Variants in SGCZ observed in about 807,000 individuals in gnomAD.
SGCZ encodes sarcoglycan zeta, also known as zeta-sarcoglycan.
Under a neutral mutation model 41.3 loss-of-function variants are expected in SGCZ, and 40 were observed. The observed-to-expected ratio is 0.97, with a 90% CI of 0.75 to 1.26. The LOEUF (loss-of-function observed/expected upper bound fraction) is 1.26, where lower values mean the gene tolerates loss of function less well. Ranked by LOEUF, SGCZ falls within the 50% of genes most tolerant of loss-of-function variation. The pLI, the probability that SGCZ is intolerant of heterozygous loss-of-function variation, is 0.00. For synonymous variants in SGCZ, 206 were observed against 137.5 expected (o/e 1.50, Z -3.49); for missense variants, 552 against 369.8 (o/e 1.49, Z -4.04).
intron 2 of SGCZ, among the ~76,000 whole-genome samples, chr8:14,329,859 CT>C (rs34593671): frequency 2.0e-5 from 3 of 151,702 alleles, no homozygotes; most frequent in South Asian, 2.1e-4. Context: ...TTTGTATTTG[CT>C]TTTTTTTCAT....
chr8:14,785,968 G>C (rs1210002035), intron 1 of SGCZ, among the ~76,000 whole-genome samples: 1 of 145,988 alleles, frequency 6.8e-6, no homozygotes, highest in African/African-American at 2.7e-5. Flanking sequence ...TCCAAAAAAA[G>C]TGACTCACAA....
chr8:14,543,602 A>G (rs941011307), intron 2 of SGCZ, among the ~76,000 whole-genome samples: 2 of 152,142 alleles, frequency 1.3e-5, no homozygotes, highest in South Asian at 2.1e-4. Flanking sequence ...TCTCAAGGCC[A>G]TCTTTAGGTT....
At chr8:14,766,825 G>A (rs1461094999) in intron 1 of SGCZ, among the ~76,000 whole-genome samples, 1 of 145,294 alleles carries the variant, frequency 6.9e-6, no homozygotes, top group Admixed American at 7.2e-5. Flanking sequence ...CAGTCTGCCC[G>A]CCTCGGCCTC....
intron 2 of SGCZ, among the ~76,000 whole-genome samples, chr8:14,395,550 T>A (rs1798891822): frequency 6.6e-6 from 1 of 152,142 alleles, no homozygotes; most frequent in Non-Finnish European, 1.5e-5. Context: ...GTACGGCTAC[T>A]CTAAACAAGA....
intron 1 of SGCZ, among the ~76,000 whole-genome samples, chr8:14,607,572 T>C (rs1411516797): frequency 6.6e-6 from 1 of 152,202 alleles, no homozygotes. Context: ...CCACATGCAC[T>C]CTTGAATGCT....
At chr8:14,100,677 G>C (rs1801992714) in intron 7 of SGCZ, among the ~76,000 whole-genome samples, 1 of 149,806 alleles carries the variant, frequency 6.7e-6, no homozygotes, top group Non-Finnish European at 1.5e-5. Flanking sequence ...TATAATATCT[G>C]CTAACACTCT....
At chr8:15,022,901 A>C (rs760020688) in intron 1 of SGCZ, among the ~76,000 whole-genome samples, 1 of 152,238 alleles carries the variant, frequency 6.6e-6, no homozygotes, top group Non-Finnish European at 1.5e-5. Flanking sequence ...TAAGTAACGT[A>C]CGTTTCACAG....
intron 2 of SGCZ, among the ~76,000 whole-genome samples, chr8:14,374,048 A>T (rs1024095834): frequency 6.6e-6 from 1 of 152,210 alleles, no homozygotes; most frequent in African/African-American, 2.4e-5. Flanking sequence ...ACATGAGAAG[A>T]TGGAGACTTG....
intron 2 of SGCZ, among the ~76,000 whole-genome samples, chr8:14,519,917 C>G (rs1020845831): frequency 2.0e-5 from 3 of 152,092 alleles, no homozygotes; most frequent in African/African-American, 7.2e-5. Flanking sequence ...TATGTCGTAT[C>G]TCAATTTACC....
At chr8:14,882,283 G>C (rs774565088) in intron 1 of SGCZ, among the ~76,000 whole-genome samples, 15 of 151,986 alleles carry the variant, frequency 9.9e-5, no homozygotes, top group Non-Finnish European at 2.1e-4. Flanking sequence ...GGAACCTTTG[G>C]GAAGCATATC....
intron 1 of SGCZ, among the ~76,000 whole-genome samples, chr8:14,827,627 C>T (rs1585297263): frequency 6.6e-6 from 1 of 152,252 alleles, no homozygotes; most frequent in East Asian, 1.9e-4. Context: ...TTTCATGCCA[C>T]AATGATGAAG....
intron 1 of SGCZ, among the ~76,000 whole-genome samples, chr8:14,676,423 A>T (rs1489583453): frequency 6.6e-6 from 1 of 151,610 alleles, no homozygotes; most frequent in African/African-American, 2.4e-5. Context: ...GGAGGCTGAG[A>T]CAGGAGGATC....
intron 1 of SGCZ, among the ~76,000 whole-genome samples, chr8:14,967,278 A>C (rs997110829): frequency 4.6e-5 from 7 of 152,138 alleles, no homozygotes; most frequent in Admixed American, 3.3e-4. Flanking sequence ...TTACTGATTC[A>C]CCAACCCCAG....
At chr8:14,446,616 T>G (rs1323528816) in intron 2 of SGCZ, among the ~76,000 whole-genome samples, 1 of 152,190 alleles carries the variant, frequency 6.6e-6, no homozygotes, top group Non-Finnish European at 1.5e-5. Context: ...TCTCCTTCAA[T>G]GACATTATGT....
chr8:14,970,507 G>A (rs1383545124), intron 1 of SGCZ, among the ~76,000 whole-genome samples: 1 of 152,076 alleles, frequency 6.6e-6, no homozygotes, highest in Non-Finnish European at 1.5e-5. Context: ...ATAGTATGAA[G>A]TATGGACTAT....
intron 1 of SGCZ, among the ~76,000 whole-genome samples, chr8:14,585,202 C>A (rs1563133185): frequency 6.6e-6 from 1 of 152,088 alleles, no homozygotes; most frequent in Non-Finnish European, 1.5e-5. Flanking sequence ...GTTAAATGTA[C>A]TTTTCAAGAA....
At chr8:14,127,127 C>A (rs1052820985) in intron 5 of SGCZ, among the ~76,000 whole-genome samples, 4 of 151,932 alleles carry the variant, frequency 2.6e-5, no homozygotes, top group Admixed American at 2.6e-4. Flanking sequence ...GAAACCTGCA[C>A]GTTCTGCACA....
At chr8:14,440,852 T>TAC (rs761003537) in intron 2 of SGCZ, among the ~76,000 whole-genome samples, 2,111 of 130,432 alleles carry the variant, frequency 0.016, 121 homozygotes, top group African/African-American at 0.037. Flanking sequence ...TACATATATG[T>TAC]ACACACACAC....
chr8:14,151,769 C>A (rs10105802), intron 5 of SGCZ, among the ~76,000 whole-genome samples: 94,888 of 151,942 alleles, frequency 0.62, 31,300 homozygotes, highest in African/African-American at 0.83. Context: ...TATTCTGATT[C>A]ATAGAATGCA....
Sources: gnomAD v4.1 joint callset for allele counts (sites outside exome capture counted in the v4.1 genomes callset) on GRCh38, gnomAD v4.1.1 for gene constraint, MANE v1.5 for transcripts, NCBI Gene and HGNC (gene_info 2026-07-23, HGNC 2026-07-21) for gene names.